Variants in FSTL4 observed in about 807,000 individuals in gnomAD.
FSTL4 encodes the protein follistatin-related protein 4.
FSTL4 carries 28 observed loss-of-function variants against 78.2 expected under a neutral mutation model. That is an observed-to-expected ratio of 0.36 (90% CI 0.27 to 0.49). FSTL4 has a LOEUF of 0.49. Among genes scored for constraint, FSTL4 ranks in the 20% least tolerant of loss-of-function variants. FSTL4 has a pLI of 0.98. For synonymous variants in FSTL4, 422 were observed against 440.5 expected (o/e 0.96, Z 0.53); for missense variants, 922 against 1,084.9 (o/e 0.85, Z 2.11).
At chr5:133,727,061 C>G in the FSTL4 span, among the ~76,000 whole-genome samples, 1 of 152,176 alleles carries the variant, frequency 6.6e-6, no homozygotes, top group Non-Finnish European at 1.5e-5. Flanking sequence ...TTATTCTCAA[C>G]CATGTCTTCA....
At chr5:133,557,007 A>G (rs1236010295) in intron 3 of FSTL4, among the ~76,000 whole-genome samples, 1 of 152,166 alleles carries the variant, frequency 6.6e-6, no homozygotes, top group Non-Finnish European at 1.5e-5. Flanking sequence ...GTTTGGGGTA[A>G]AACCCCTCTC....
the FSTL4 span, among the ~76,000 whole-genome samples, chr5:133,733,883 C>G: frequency 1.3e-5 from 2 of 152,126 alleles, no homozygotes; most frequent in Admixed American, 1.3e-4. Flanking sequence ...TCCACGTGGG[C>G]CCACTCCCAT....
chr5:133,275,819 G>A (rs1178271653), intron 6 of FSTL4: 5 of 152,194 alleles, frequency 3.3e-5, no homozygotes, highest in South Asian at 4.2e-4. Flanking sequence ...AGAAAGAAGC[G>A]GTGGGAGAGC....
intron 4 of FSTL4, among the ~76,000 whole-genome samples, chr5:133,341,444 G>T (rs1230623693): frequency 6.6e-6 from 1 of 152,044 alleles, no homozygotes; most frequent in Non-Finnish European, 1.5e-5. Flanking sequence ...GGCTTCTCCT[G>T]GCATTTCCCT....
chr5:133,353,854 C>T (rs1294929770), intron 4 of FSTL4, among the ~76,000 whole-genome samples: 2 of 152,226 alleles, frequency 1.3e-5, no homozygotes, highest in Non-Finnish European at 2.9e-5. Context: ...GTTCTTTGAG[C>T]AGCGGCAGGA....
At chr5:133,599,841 C>A (rs1288430739) in intron 2 of FSTL4, among the ~76,000 whole-genome samples, 1 of 151,842 alleles carries the variant, frequency 6.6e-6, no homozygotes, top group African/African-American at 2.4e-5. Flanking sequence ...ACCCAGGCTG[C>A]AAAAGTGGGG....
At chr5:133,226,398 T>A (rs2241582) in intron 8 of FSTL4, among the ~76,000 whole-genome samples, 38,854 of 151,898 alleles carry the variant, frequency 0.26, 5,825 homozygotes, top group African/African-American at 0.4. Flanking sequence ...GCAGTCAGGT[T>A]CAGGGTTGGG....
Position 133,349,485 on chromosome 5 carries a change from C to T in FSTL4, c.410-32833G>A, listed in dbSNP as rs182694078. On this transcript the variant is annotated intron_variant, in intron 4 of 15. Transcript: ENST00000265342. ...CAGAATACTTCCAAATGTCATGCTG[C>T]CATGTGACTGTAAAGGATCCATAGG... 7.9e-5 allele frequency among the ~76,000 whole-genome samples: 12 copies of T among 152,292 alleles called. 1 individual carries two copies. The highest frequency in any genetic ancestry group is 7.2e-4 in the Admixed American group (11 of 15,296).
chr5:133,686,759 TG>T, the FSTL4 span, among the ~76,000 whole-genome samples: 1 of 152,238 alleles, frequency 6.6e-6, no homozygotes, highest in African/African-American at 2.4e-5. Context: ...ACTTGACTCA[TG>T]TGTTACTTTC....
At chr5:133,606,157 G>A (rs1015981445) in intron 1 of FSTL4, among the ~76,000 whole-genome samples, 1 of 152,218 alleles carries the variant, frequency 6.6e-6, no homozygotes, top group Non-Finnish European at 1.5e-5. Context: ...TTTCACTCTT[G>A]TAGCCTGCGC....
At chr5:133,581,830 C>T (rs1023042090) in intron 2 of FSTL4, among the ~76,000 whole-genome samples, 2 of 152,336 alleles carry the variant, frequency 1.3e-5, no homozygotes, top group Admixed American at 6.5e-5. Flanking sequence ...GTTTGGGAAC[C>T]ACTGGGTTAA....
chr5:133,249,365 C>T lies in FSTL4; in HGVS notation c.894+45G>A, dbSNP rs753951496. ...GTGGCATCTTACCCAGTGTACTCTC[C>T]CAGGGAGGTGCGCTTGAGCTCAGAG... On this transcript the variant is annotated intron_variant, in intron 7 of 15. Coordinates refer to ENST00000265342, the MANE Select transcript of FSTL4 (RefSeq NM_015082.2). 3.3e-6 allele frequency: 5 copies of T among 1,518,988 alleles called. No homozygotes were observed. The Admixed American group carries it at 6.7e-5, about 20-fold the overall frequency. 94.1% of individuals were successfully genotyped at this position (1,518,988 alleles called of 1,614,324 possible).
At chr5:133,511,810 C>T (rs537546869) in intron 3 of FSTL4, among the ~76,000 whole-genome samples, 2 of 152,160 alleles carry the variant, frequency 1.3e-5, no homozygotes, top group South Asian at 4.2e-4. Context: ...AGAGACAGGG[C>T]AGCAGGGATG....
At chr5:133,271,049 T>C (rs769462225) in intron 6 of FSTL4, among the ~76,000 whole-genome samples, 3 of 152,192 alleles carry the variant, frequency 2.0e-5, no homozygotes, top group Non-Finnish European at 4.4e-5. Context: ...AGGCCTGAGT[T>C]GGGCCAGATG....
intron 4 of FSTL4, among the ~76,000 whole-genome samples, chr5:133,332,870 G>C (rs935306217): frequency 6.6e-6 from 1 of 152,156 alleles, no homozygotes; most frequent in Non-Finnish European, 1.5e-5. Context: ...ATAACACTCT[G>C]GTAAGAGTTT....
chr5:133,372,958 G>A (rs578102321), intron 4 of FSTL4, among the ~76,000 whole-genome samples: 6 of 152,072 alleles, frequency 3.9e-5, no homozygotes, highest in African/African-American at 1.2e-4. Flanking sequence ...GCTATGGACC[G>A]AATGTGTCTC....
chr5:133,579,687 T>C (rs1390176759), intron 2 of FSTL4, among the ~76,000 whole-genome samples: 1 of 152,242 alleles, frequency 6.6e-6, no homozygotes, highest in Non-Finnish European at 1.5e-5. Context: ...TATTCCAATC[T>C]GCTACTTTTC....
chr5:133,540,941 C>T (rs1759458500), intron 3 of FSTL4, among the ~76,000 whole-genome samples: 1 of 152,086 alleles, frequency 6.6e-6, no homozygotes, highest in South Asian at 2.1e-4. Context: ...CCTCCCTTGA[C>T]TTTAAGTGCC....
intron 3 of FSTL4, among the ~76,000 whole-genome samples, chr5:133,533,611 C>T (rs1344002535): frequency 6.6e-6 from 1 of 152,162 alleles, no homozygotes; most frequent in Non-Finnish European, 1.5e-5. Context: ...GAAAACTAAG[C>T]CAGGCTCTCC....
Sources: allele counts gnomAD v4.1 joint callset (sites outside exome capture counted in the v4.1 genomes callset), GRCh38; gene constraint gnomAD v4.1.1; transcripts MANE v1.5; gene names NCBI Gene and HGNC (gene_info 2026-07-23, HGNC 2026-07-21).